PTGER3: variants seen among roughly 807,000 people sequenced by gnomAD.
The protein encoded by PTGER3 is prostaglandin E receptor 3.
A neutral mutation model predicts 34.7 loss-of-function variants in PTGER3; 22 were observed. That is an observed-to-expected ratio of 0.63 (90% CI 0.45 to 0.91). The LOEUF (loss-of-function observed/expected upper bound fraction) is 0.91, where lower values mean the gene tolerates loss of function less well. PTGER3 is among the 40% of genes least tolerant of loss of function. The pLI is 0.00. For missense variants in PTGER3, 468 were observed against 519.4 expected (o/e 0.90, Z 0.96); for synonymous variants, 241 against 230.1 (o/e 1.05, Z -0.43).
At chr1:70,922,700 C>T (rs1287700854) in intron 4 of PTGER3, among the ~76,000 whole-genome samples, 1 of 151,890 alleles carries the variant, frequency 6.6e-6, no homozygotes, top group Non-Finnish European at 1.5e-5. Context: ...CAGTTCTATA[C>T]ACAAGGGATG....
At chr1:70,888,527 A>G (rs185879841) in intron 4 of PTGER3, among the ~76,000 whole-genome samples, 241 of 152,324 alleles carry the variant, frequency 1.6e-3, no homozygotes, top group African/African-American at 5.4e-3. Context: ...TTAAGAGCCC[A>G]TAAAATCTGT....
intron 2 of PTGER3, chr1:71,011,482 T>C (rs1163618541): frequency 1.0e-6 from 1 of 985,206 alleles, no homozygotes; most frequent in Non-Finnish European, 1.2e-6. Flanking sequence ...ACGACTCTCA[T>C]AGGTCAGTTT....
chr1:71,004,620 T>C (rs1247942324), intron 2 of PTGER3, among the ~76,000 whole-genome samples: 2 of 152,210 alleles, frequency 1.3e-5, no homozygotes, highest in Non-Finnish European at 2.9e-5. Context: ...TGTAGAATTA[T>C]AACAGATTTT....
At chr1:70,884,056 C>T (rs1439226640) in intron 4 of PTGER3, 1 of 403,538 alleles carries the variant, frequency 2.5e-6, no homozygotes, top group South Asian at 1.8e-5. Flanking sequence ...CACTGCACTC[C>T]AGTCTGGGTG....
At chr1:70,874,579 A>G (rs1398878651) in intron 4 of PTGER3, among the ~76,000 whole-genome samples, 1 of 152,062 alleles carries the variant, frequency 6.6e-6, no homozygotes, top group Non-Finnish European at 1.5e-5. Context: ...TTCTTGCCTC[A>G]CAACTTGTCT....
chr1:70,996,663 A>C (rs1655992159), intron 2 of PTGER3, among the ~76,000 whole-genome samples: 1 of 135,936 alleles, frequency 7.4e-6, no homozygotes, highest in African/African-American at 2.8e-5. Flanking sequence ...TTATTTATTT[A>C]TTTATTTATT....
downstream of PTGER3, among the ~76,000 whole-genome samples, chr1:70,950,460 A>G (rs79019611): frequency 6.6e-6 from 1 of 152,198 alleles, no homozygotes; most frequent in Non-Finnish European, 1.5e-5. Context: ...CAAGTTCCTC[A>G]TAAGTAAATG....
At chr1:70,865,969 T>C (rs1227798477) in intron 4 of PTGER3, 3 of 428,616 alleles carry the variant, frequency 7.0e-6, no homozygotes, top group Non-Finnish European at 1.2e-5. Flanking sequence ...TCTTCAAAGT[T>C]CAACTCAAGC....
downstream of PTGER3, among the ~76,000 whole-genome samples, chr1:70,949,814 T>C (rs368614828): frequency 4.9e-4 from 74 of 152,238 alleles, no homozygotes; most frequent in South Asian, 5.6e-3. Flanking sequence ...GAACTTGAAA[T>C]GTAGCTAGCA....
intron 1 of PTGER3, among the ~76,000 whole-genome samples, chr1:71,040,062 A>G (rs1163025264): frequency 6.6e-6 from 1 of 151,830 alleles, no homozygotes; most frequent in East Asian, 1.9e-4. Context: ...AGAGAAAGAA[A>G]GAAAGAGAGG....
At chr1:70,907,376 G>A (rs1002316823) in intron 4 of PTGER3, among the ~76,000 whole-genome samples, 77 of 152,234 alleles carry the variant, frequency 5.1e-4, no homozygotes, top group Admixed American at 3.5e-3. Flanking sequence ...GTAGCTGTTA[G>A]TGTCATAGGT....
At chr1:70,853,406 G>A (rs1245902693) in intron 4 of PTGER3, among the ~76,000 whole-genome samples, 1 of 152,122 alleles carries the variant, frequency 6.6e-6, no homozygotes, top group Non-Finnish European at 1.5e-5. Context: ...AATGGCTGAA[G>A]GAAAAGGGAG....
At chr1:70,883,455 G>A (rs897427203) in intron 4 of PTGER3, among the ~76,000 whole-genome samples, 3 of 151,880 alleles carry the variant, frequency 2.0e-5, no homozygotes, top group African/African-American at 7.3e-5. Context: ...TACCAATTAG[G>A]TGACTTAAGA....
chr1:70,905,742 CTCAGATGAGA>C (rs2100361359), intron 4 of PTGER3, among the ~76,000 whole-genome samples: 1 of 152,196 alleles, frequency 6.6e-6, no homozygotes, highest in South Asian at 2.1e-4. Context: ...ATCTCATTGT[CTCAGATGAGA>C]CATTGGACTG....
chr1:71,027,622 A>G (rs752589747), intron 1 of PTGER3, among the ~76,000 whole-genome samples: 6 of 152,206 alleles, frequency 3.9e-5, no homozygotes, highest in Non-Finnish European at 7.3e-5. Flanking sequence ...CCCCCGGTTA[A>G]AACAATTGGA....
At chr1:70,890,951 C>G (rs1340151333) in intron 4 of PTGER3, among the ~76,000 whole-genome samples, 2 of 152,128 alleles carry the variant, frequency 1.3e-5, no homozygotes, top group African/African-American at 4.8e-5. Context: ...ATAATAAGCC[C>G]TCTTACTTTC....
At chr1:71,015,150 G>A (rs1449810279) in intron 1 of PTGER3, among the ~76,000 whole-genome samples, 2 of 151,982 alleles carry the variant, frequency 1.3e-5, no homozygotes, top group East Asian at 3.9e-4. Flanking sequence ...AGTCTTTCAG[G>A]ACTATCTCAG....
At chr1:70,885,162 T>A (rs1273188349) in intron 4 of PTGER3, among the ~76,000 whole-genome samples, 2 of 152,180 alleles carry the variant, frequency 1.3e-5, no homozygotes, top group Admixed American at 1.3e-4. Context: ...TATTGAGATG[T>A]TTATTGTTCC....
chr1:71,036,699 T>C lies in PTGER3; in HGVS notation c.897+9982A>G, dbSNP rs574335942. On this transcript the variant is annotated intron_variant, in intron 1 of 3. Transcript: ENST00000306666. ...ACCAAAAATACAAAAACTAGCCGGG[T>C]GTGGTGGTGGGCTCCTGTAGTCCCA... is the stretch of plus-strand genomic sequence containing the variant. Among the ~76,000 whole-genome samples the C allele has an allele frequency of 6.5e-4, 97 of 150,118 alleles. 1 individual carries two copies. The highest frequency in any genetic ancestry group is 1.1e-3 in the Non-Finnish European group (77 of 67,504).
Sources: allele counts gnomAD v4.1 joint callset (sites outside exome capture counted in the v4.1 genomes callset), GRCh38; gene constraint gnomAD v4.1.1; transcripts MANE v1.5; gene names NCBI Gene and HGNC (gene_info 2026-07-23, HGNC 2026-07-21).